Variants in FAM227B observed in about 807,000 individuals in gnomAD.
FAM227B encodes protein FAM227B.
Under a neutral mutation model 73.8 loss-of-function variants are expected in FAM227B, and 88 were observed. That is an observed-to-expected ratio of 1.19 (90% CI 1.00 to 1.42). The LOEUF (loss-of-function observed/expected upper bound fraction) is 1.42, where lower values mean the gene tolerates loss of function less well. Ranked by LOEUF, FAM227B falls within the 40% of genes most tolerant of loss-of-function variation. The pLI is 0.00. For missense variants in FAM227B, 632 were observed against 590.9 expected (o/e 1.07, Z -0.72); for synonymous variants, 210 against 190.5 (o/e 1.10, Z -0.84).
intron 11 of FAM227B, among the ~76,000 whole-genome samples, chr15:49,413,853 T>C (rs1025391837): frequency 3.3e-5 from 5 of 151,326 alleles, no homozygotes; most frequent in African/African-American, 7.3e-5. Context: ...TCTTGTTACC[T>C]TTATCTAGAA....
chr15:49,506,284 T>G (rs2058577194), intron 11 of FAM227B, among the ~76,000 whole-genome samples: 1 of 152,036 alleles, frequency 6.6e-6, no homozygotes. Context: ...GCCAATGTAG[T>G]CTCTGTCACA....
intron 13 of FAM227B, among the ~76,000 whole-genome samples, chr15:49,341,482 T>C (rs1415799946): frequency 6.6e-6 from 1 of 152,170 alleles, no homozygotes; most frequent in African/African-American, 2.4e-5. Flanking sequence ...CTGGGTTAGA[T>C]GTACCTGTGA....
chr15:49,588,634 A>G (rs986646396), intron 4 of FAM227B, among the ~76,000 whole-genome samples: 3 of 142,950 alleles, frequency 2.1e-5, no homozygotes, highest in Non-Finnish European at 4.6e-5. Context: ...GAAGGAAGAT[A>G]TGAAAGGATA....
chr15:49,580,473 A>G (rs1030803662), intron 5 of FAM227B, among the ~76,000 whole-genome samples: 1 of 152,194 alleles, frequency 6.6e-6, no homozygotes, highest in Non-Finnish European at 1.5e-5. Context: ...GAAAACATCC[A>G]GAAACAAAGC....
intron 11 of FAM227B, among the ~76,000 whole-genome samples, chr15:49,420,139 T>A (rs1000574838): frequency 6.6e-6 from 1 of 152,222 alleles, no homozygotes; most frequent in African/African-American, 2.4e-5. Flanking sequence ...ATCTTTTTTT[T>A]AATACCTTTT....
intron 9 of FAM227B, among the ~76,000 whole-genome samples, chr15:49,551,889 C>A (rs912627523): frequency 5.3e-5 from 8 of 152,064 alleles, no homozygotes; most frequent in African/African-American, 1.7e-4. Context: ...AAATTTGTCC[C>A]CCCACTTTTT....
At chr15:49,455,470 G>A (rs1399628894) in intron 11 of FAM227B, among the ~76,000 whole-genome samples, 1 of 152,080 alleles carries the variant, frequency 6.6e-6, no homozygotes. Context: ...GTAAGGCAAT[G>A]TTAAAAATAA....
chr15:49,382,621 G>A (rs886365910), intron 11 of FAM227B, among the ~76,000 whole-genome samples: 5 of 152,022 alleles, frequency 3.3e-5, no homozygotes, highest in African/African-American at 1.2e-4. Context: ...AACAAAATGG[G>A]CCAGGAATCA....
chr15:49,396,903 A>T (rs1032798461), intron 11 of FAM227B, among the ~76,000 whole-genome samples: 1 of 152,220 alleles, frequency 6.6e-6, no homozygotes, highest in Non-Finnish European at 1.5e-5. Context: ...GGGAAAAAAC[A>T]GAACAGAAAA....
chr15:49,395,104 T>A (rs1034896629), intron 11 of FAM227B, among the ~76,000 whole-genome samples: 1 of 152,208 alleles, frequency 6.6e-6, no homozygotes, highest in Non-Finnish European at 1.5e-5. Flanking sequence ...ATATTTTTGG[T>A]ACACACATAT....
intron 10 of FAM227B, among the ~76,000 whole-genome samples, chr15:49,509,767 C>G (rs1410260956): frequency 6.6e-6 from 1 of 152,008 alleles, no homozygotes. Context: ...AAACTAAACT[C>G]TAGTAGGATC....
chr15:49,499,313 C>A (rs988483877), intron 11 of FAM227B, among the ~76,000 whole-genome samples: 1 of 151,310 alleles, frequency 6.6e-6, no homozygotes, highest in African/African-American at 2.4e-5. Flanking sequence ...CATGAATAAT[C>A]AAAATTGAAA....
intron 5 of FAM227B, among the ~76,000 whole-genome samples, chr15:49,579,768 A>G (rs1393418033): frequency 6.6e-6 from 1 of 152,224 alleles, no homozygotes; most frequent in Non-Finnish European, 1.5e-5. Flanking sequence ...AATGTATTGT[A>G]TATTTCAAAA....
intron 11 of FAM227B, among the ~76,000 whole-genome samples, chr15:49,493,813 A>G (rs2057335415): frequency 6.6e-6 from 1 of 151,736 alleles, no homozygotes; most frequent in African/African-American, 2.4e-5. Flanking sequence ...TATGTTATAT[A>G]TGTCCACATC....
At chr15:49,470,896 G>A (rs2054678953) in intron 11 of FAM227B, among the ~76,000 whole-genome samples, 1 of 152,210 alleles carries the variant, frequency 6.6e-6, no homozygotes, top group Non-Finnish European at 1.5e-5. Flanking sequence ...CAAACAGCTT[G>A]CTGGGAGAAA....
chr15:49,520,565 A>G (rs1588130), intron 10 of FAM227B, among the ~76,000 whole-genome samples: 48,534 of 152,086 alleles, frequency 0.32, 8,383 homozygotes, highest in African/African-American at 0.43. Flanking sequence ...TCACATAGCC[A>G]GGGAGACCTC....
chr15:49,450,533 C>A lies in FAM227B; in HGVS notation c.1012+57678G>T, dbSNP rs544883137. Among the ~76,000 whole-genome samples the A allele has an allele frequency of 7.2e-5, 11 of 152,206 alleles. 1 individual carries two copies. In the South Asian group the frequency reaches 2.3e-3, roughly 32 times the overall value. Reference sequence around the variant, plus strand: ...GTTAATAGCTCAATGTGTAAACTTTCTCAGAAATATTTACTCTTTAGTTAT... The same window carrying A: ...GTTAATAGCTCAATGTGTAAACTTTATCAGAAATATTTACTCTTTAGTTAT... On this transcript the variant is annotated intron_variant, in intron 11 of 15. Transcript: ENST00000299338.
At chr15:49,600,792 C>G (rs145407026) in intron 3 of FAM227B, among the ~76,000 whole-genome samples, 1 of 151,888 alleles carries the variant, frequency 6.6e-6, no homozygotes, top group African/African-American at 2.4e-5. Flanking sequence ...CTTATAATCC[C>G]AGCACTTCGG....
chr15:49,525,740 G>A (rs2060150637), intron 10 of FAM227B, among the ~76,000 whole-genome samples: 2 of 102,670 alleles, frequency 1.9e-5, no homozygotes, highest in African/African-American at 4.0e-5. Flanking sequence ...GCACAAAAAT[G>A]AACAGGAGTA....
Sources: gnomAD v4.1 joint callset for allele counts (sites outside exome capture counted in the v4.1 genomes callset) on GRCh38, gnomAD v4.1.1 for gene constraint, MANE v1.5 for transcripts, NCBI Gene and HGNC (gene_info 2026-07-23, HGNC 2026-07-21) for gene names.